The following AKAP13 variants were observed in gnomAD, a reference collection of about 807,000 sequenced individuals.
AKAP13 encodes A-kinase anchor protein 13.
In AKAP13, 80 loss-of-function variants were observed where a neutral mutation model predicts 264.5. The ratio of observed to expected loss-of-function variants is 0.30; its 90% CI spans 0.25 to 0.36. The LOEUF is 0.36. AKAP13 is among the 10% of genes least tolerant of loss of function. The pLI is 1.00. For missense variants in AKAP13, 3,712 were observed against 3,435.2 expected (o/e 1.08, Z -2.01); for synonymous variants, 1,380 against 1,250.2 (o/e 1.10, Z -2.19).
intron 19 of AKAP13, among the ~76,000 whole-genome samples, chr15:85,714,921 C>G (rs1472587530): frequency 1.3e-5 from 2 of 151,972 alleles, no homozygotes; most frequent in African/African-American, 4.8e-5. Flanking sequence ...GAGCCAAGAT[C>G]GCGCCACTGC....
At chr15:85,740,977 C>G in intron 34 of AKAP13, 69 bp from the exon 35 acceptor site, 2 of 1,539,656 alleles carry the variant, frequency 1.3e-6, no homozygotes, top group East Asian at 4.5e-5. Flanking sequence ...GCTGTGGGGT[C>G]GGGAGGGATC....
intron 16 of AKAP13, among the ~76,000 whole-genome samples, chr15:85,686,249 T>TG (rs894910679): frequency 6.6e-6 from 1 of 152,020 alleles, no homozygotes; most frequent in African/African-American, 2.4e-5. Context: ...CGTAGATACA[T>TG]GCATATTTAG....
intron 5 of AKAP13, among the ~76,000 whole-genome samples, chr15:85,558,942 C>T (rs35519142): frequency 6.6e-6 from 1 of 151,856 alleles, no homozygotes; most frequent in Non-Finnish European, 1.5e-5. Context: ...TTTCCCCTCC[C>T]TCCTCCTCCT....
intron 8 of AKAP13, among the ~76,000 whole-genome samples, chr15:85,595,600 T>G (rs2079784533): frequency 6.6e-6 from 1 of 152,248 alleles, no homozygotes; most frequent in East Asian, 1.9e-4. Context: ...GTCTGAAACG[T>G]AATGGTGTTT....
At chr15:85,512,813 TTATGTATGTATGTATGTATGTATG>T (rs146236698) in intron 2 of AKAP13, among the ~76,000 whole-genome samples, 204 of 145,860 alleles carry the variant, frequency 1.4e-3, no homozygotes, top group African/African-American at 4.2e-3. Context: ...TTGACTATTT[TTATGTATGTATGTATGTATGTATG>T]TATGTATGTA....
chr15:85,719,904 T>TC (rs1260435267), intron 23 of AKAP13, among the ~76,000 whole-genome samples: 1 of 148,542 alleles, frequency 6.7e-6, no homozygotes, highest in African/African-American at 2.5e-5. Context: ...GACAGAGTGA[T>TC]ACTCTGTCTC....
intron 12 of AKAP13, 96 bp downstream of exon 12, chr15:85,658,686 CTTTTAAGTAATGTCCCA>C (rs2083207863): frequency 9.3e-7 from 1 of 1,080,004 alleles, no homozygotes; most frequent in African/African-American, 1.6e-5. Flanking sequence ...GGATCATCTA[CTTTTAAGTAATGTCCCA>C]TCTAATTCAG....
At chr15:85,553,649 A>G (rs900076914) in intron 5 of AKAP13, among the ~76,000 whole-genome samples, 4 of 152,188 alleles carry the variant, frequency 2.6e-5, no homozygotes, top group Non-Finnish European at 4.4e-5. Context: ...TTTCTGCATA[A>G]AAAGCACATA....
At position 85,422,241 on chromosome 15, in the gene AKAP13, C is replaced by T. The variant is rs114095519; in HGVS notation, c.-12+41443C>T. Among the ~76,000 whole-genome samples, 174 of 152,084 alleles carry T rather than the reference C, an allele frequency of 1.1e-3. 1 individual carries two copies. Among genetic ancestry groups the T allele is most frequent in the African/African-American group, 3.9e-3 (163 of 41,482 alleles). On this transcript the variant is annotated intron_variant, in intron 1 of 36. Coordinates refer to ENST00000394518, the MANE Select transcript of AKAP13 (RefSeq NM_007200.5). ...CAATTACAGTATGGGGGTGCTGTTA[C>T]GAGATTTGAGGTGTGCATTAGAGAG...
At chr15:85,466,778 A>C (rs1013861878) in intron 1 of AKAP13, among the ~76,000 whole-genome samples, 5 of 152,154 alleles carry the variant, frequency 3.3e-5, no homozygotes, top group African/African-American at 1.2e-4. Flanking sequence ...TAAGCTTTTA[A>C]ATTTTTGCTC....
At chr15:85,518,773 G>GA (rs2076701090) in intron 2 of AKAP13, among the ~76,000 whole-genome samples, 1 of 152,182 alleles carries the variant, frequency 6.6e-6, no homozygotes, top group Admixed American at 6.5e-5. Context: ...AGGCTGTGGT[G>GA]AGCCCTGATT....
chr15:85,649,942 A>G (rs1486033721), intron 10 of AKAP13, among the ~76,000 whole-genome samples: 1 of 152,144 alleles, frequency 6.6e-6, no homozygotes, highest in East Asian at 1.9e-4. Flanking sequence ...AGGTAAATCA[A>G]GGTCCTTCCA....
In AKAP13 at chr15:85,549,573, C is replaced by T. The variant is rs117787336; in HGVS notation, c.662+5618C>T. 9.4e-3 allele frequency among the ~76,000 whole-genome samples: 1,437 copies of T among 152,118 alleles called. 12 individuals are homozygous for T. The highest frequency in any genetic ancestry group is 0.015 in the Non-Finnish European group (1,051 of 67,986). On this transcript the variant is annotated intron_variant, in intron 5 of 36. Coordinates refer to ENST00000394518, the MANE Select transcript of AKAP13 (RefSeq NM_007200.5). Reference sequence around the variant, plus strand: ...TGAAATAGGCATTATCTGTGTTTTGCGGGAGAAATATGGAGGCTCAGATAA... The same window carrying T: ...TGAAATAGGCATTATCTGTGTTTTGTGGGAGAAATATGGAGGCTCAGATAA...
At position 85,585,832 on chromosome 15, in the gene AKAP13, C is replaced by T. The variant is rs368326741; in HGVS notation, c.4161+9C>T. On this transcript the variant is annotated intron_variant, in intron 8 of 36. Coordinates refer to ENST00000394518, the MANE Select transcript of AKAP13 (RefSeq NM_007200.5). ...GCCCAATGACCCAGGCGGTAAGTGGCATCAGTAAGTCTATAAGGGCACAAA... is the reference window on the plus strand; with the variant it reads ...GCCCAATGACCCAGGCGGTAAGTGGTATCAGTAAGTCTATAAGGGCACAAA... 1.4e-5 allele frequency: 22 copies of T among 1,613,686 alleles called. No individual in the cohort carries two copies. Among genetic ancestry groups the T allele is most frequent in the Non-Finnish European group, 1.6e-5 (19 of 1,179,884 alleles).
intron 1 of AKAP13, among the ~76,000 whole-genome samples, chr15:85,384,537 T>G (rs1217735211): frequency 6.6e-6 from 1 of 151,860 alleles, no homozygotes; most frequent in Non-Finnish European, 1.5e-5. Context: ...GCCAACATGG[T>G]GAAACCACAT....
chr15:85,723,374 T>C, intron 26 of AKAP13, 54 bp downstream of exon 26: 1 of 1,584,120 alleles, frequency 6.3e-7, no homozygotes. Flanking sequence ...CAGGCAAAAA[T>C]CCAAGTGCTT....
intron 8 of AKAP13, among the ~76,000 whole-genome samples, chr15:85,595,624 C>T (rs1441896568): frequency 2.0e-5 from 3 of 152,116 alleles, no homozygotes; most frequent in Non-Finnish European, 4.4e-5. Flanking sequence ...TGGTGAGACC[C>T]ATGTTGTACC....
intron 1 of AKAP13, among the ~76,000 whole-genome samples, chr15:85,483,407 A>T (rs1032406132): frequency 1.3e-5 from 2 of 152,148 alleles, no homozygotes; most frequent in Non-Finnish European, 2.9e-5. Flanking sequence ...CGGGTGGATC[A>T]TGAGGTCAGG....
At chr15:85,495,555 C>T (rs890792664) in intron 2 of AKAP13, among the ~76,000 whole-genome samples, 3 of 152,168 alleles carry the variant, frequency 2.0e-5, no homozygotes, top group Admixed American at 1.3e-4. Flanking sequence ...GAAAGCCAAA[C>T]AGCATATTTT....
Sources: gnomAD v4.1 joint callset for allele counts (sites outside exome capture counted in the v4.1 genomes callset) on GRCh38, gnomAD v4.1.1 for gene constraint, MANE v1.5 for transcripts, NCBI Gene and HGNC (gene_info 2026-07-23, HGNC 2026-07-21) for gene names.